LINGO2: variants seen among roughly 807,000 people sequenced by gnomAD.
LINGO2 encodes leucine rich repeat and Ig domain containing 2.
In LINGO2, 14 loss-of-function variants were observed where a neutral mutation model predicts 30.6. That is an observed-to-expected ratio of 0.46 (90% CI 0.30 to 0.72). The LOEUF (loss-of-function observed/expected upper bound fraction) is 0.72, where lower values mean the gene tolerates loss of function less well. LINGO2 is among the 30% of genes least tolerant of loss of function. The probability of loss-of-function intolerance (pLI) is 0.07; values close to 1 mark genes in which losing one functional copy is unlikely to be tolerated. For synonymous variants in LINGO2, 317 were observed against 288.5 expected (o/e 1.10, Z -1.00); for missense variants, 729 against 751.7 (o/e 0.97, Z 0.35).
At chr9:29,072,602 GTC>G in the LINGO2 span, among the ~76,000 whole-genome samples, 1 of 121,730 alleles carries the variant, frequency 8.2e-6, no homozygotes, top group East Asian at 2.3e-4. Flanking sequence ...ATATATATAT[GTC>G]TCTCTTTGAT....
intron 5 of LINGO2, among the ~76,000 whole-genome samples, chr9:28,009,141 GTTT>G (rs59012553): frequency 4.5e-4 from 67 of 150,266 alleles, no homozygotes; most frequent in African/African-American, 1.3e-3. Flanking sequence ...AAAGGGAAAA[GTTT>G]TTTTTTTTTC....
chr9:28,865,042 T>C, the LINGO2 span, among the ~76,000 whole-genome samples: 2 of 152,086 alleles, frequency 1.3e-5, no homozygotes, highest in African/African-American at 4.8e-5. Flanking sequence ...TCTAAGGGAA[T>C]ACCATATATA....
the LINGO2 span, among the ~76,000 whole-genome samples, chr9:29,099,852 C>G: frequency 7.1e-6 from 1 of 141,826 alleles, no homozygotes; most frequent in Non-Finnish European, 1.5e-5. Context: ...AATAGGGTTA[C>G]CATACAATCC....
intron 4 of LINGO2, among the ~76,000 whole-genome samples, chr9:28,273,064 T>C (rs1206193113): frequency 1.3e-5 from 2 of 152,202 alleles, no homozygotes; most frequent in African/African-American, 4.8e-5. Flanking sequence ...GCTCCATATA[T>C]ACTTAGGACA....
At chr9:28,990,884 C>A in the LINGO2 span, among the ~76,000 whole-genome samples, 1 of 152,062 alleles carries the variant, frequency 6.6e-6, no homozygotes, top group South Asian at 2.1e-4. Context: ...TCATCAAAGA[C>A]CAAAAGTAGA....
At chr9:28,297,915 G>A (rs376168385) in intron 3 of LINGO2, among the ~76,000 whole-genome samples, 6 of 152,276 alleles carry the variant, frequency 3.9e-5, no homozygotes, top group South Asian at 2.1e-4. Context: ...TTGTGTGTGC[G>A]GGGGTAGGGG....
At chr9:28,380,099 C>A (rs547841254) in intron 2 of LINGO2, among the ~76,000 whole-genome samples, 1 of 152,102 alleles carries the variant, frequency 6.6e-6, no homozygotes, top group African/African-American at 2.4e-5. Flanking sequence ...CACACAGATG[C>A]CACACATATT....
chr9:29,086,141 A>C, the LINGO2 span, among the ~76,000 whole-genome samples: 1 of 152,304 alleles, frequency 6.6e-6, no homozygotes, highest in South Asian at 2.1e-4. Flanking sequence ...GTAGACAAAA[A>C]GCAGATAATT....
At chr9:29,208,757 A>C in the LINGO2 span, among the ~76,000 whole-genome samples, 1 of 152,170 alleles carries the variant, frequency 6.6e-6, no homozygotes, top group African/African-American at 2.4e-5. Flanking sequence ...ACTGAGCCTT[A>C]GAAAAAATAA....
the LINGO2 span, among the ~76,000 whole-genome samples, chr9:28,864,360 T>C: frequency 2.0e-5 from 3 of 152,262 alleles, no homozygotes; most frequent in Non-Finnish European, 2.9e-5. Flanking sequence ...CTAAATTCTA[T>C]ATTATACATA....
At chr9:29,118,551 C>A in the LINGO2 span, among the ~76,000 whole-genome samples, 1 of 152,110 alleles carries the variant, frequency 6.6e-6, no homozygotes, top group Non-Finnish European at 1.5e-5. Flanking sequence ...TTGTAGAACC[C>A]TGGTGAAGCC....
the LINGO2 span, among the ~76,000 whole-genome samples, chr9:29,033,647 A>G: frequency 1.3e-5 from 2 of 151,984 alleles, no homozygotes; most frequent in African/African-American, 4.8e-5. Flanking sequence ...ATATAAAATA[A>G]AAATAATTAT....
chr9:27,983,117 C>T (rs1820961102), intron 5 of LINGO2, among the ~76,000 whole-genome samples: 1 of 151,804 alleles, frequency 6.6e-6, no homozygotes, highest in Non-Finnish European at 1.5e-5. Flanking sequence ...TAATTGTATA[C>T]ATACATTTTA....
intron 1 of LINGO2, among the ~76,000 whole-genome samples, chr9:28,524,216 C>A (rs1820930171): frequency 2.0e-5 from 3 of 151,948 alleles, no homozygotes; most frequent in Non-Finnish European, 4.4e-5. Context: ...TTGGATAATA[C>A]ACATGAAGAA....
chr9:28,844,769 A>C, the LINGO2 span, among the ~76,000 whole-genome samples: 1 of 151,962 alleles, frequency 6.6e-6, no homozygotes, highest in African/African-American at 2.4e-5. Context: ...TTTAATATTC[A>C]TAGCTTTTAT....
At chr9:28,556,340 T>G (rs1479417683) in intron 1 of LINGO2, among the ~76,000 whole-genome samples, 1 of 150,860 alleles carries the variant, frequency 6.6e-6, no homozygotes, top group Non-Finnish European at 1.5e-5. Flanking sequence ...CAAGCATTCT[T>G]ATACACCAAC....
intron 1 of LINGO2, among the ~76,000 whole-genome samples, chr9:28,639,598 C>T (rs1365429823): frequency 6.6e-6 from 1 of 152,046 alleles, no homozygotes; most frequent in Non-Finnish European, 1.5e-5. Context: ...CTCTTTTGAT[C>T]TTTGTTGGTT....
intron 2 of LINGO2, among the ~76,000 whole-genome samples, chr9:28,425,791 A>G (rs933109673): frequency 1.3e-5 from 2 of 152,096 alleles, no homozygotes; most frequent in Non-Finnish European, 2.9e-5. Context: ...TGTTAATCAA[A>G]TATGTTATCA....
chr9:28,388,158 T>A (rs2134671856), intron 2 of LINGO2, among the ~76,000 whole-genome samples: 1 of 152,346 alleles, frequency 6.6e-6, no homozygotes, highest in East Asian at 1.9e-4. Flanking sequence ...ACTTTGCATG[T>A]TTTTAAAGTT....
Sources: allele counts gnomAD v4.1 joint callset (sites outside exome capture counted in the v4.1 genomes callset), GRCh38; gene constraint gnomAD v4.1.1; transcripts MANE v1.5; gene names NCBI Gene and HGNC (gene_info 2026-07-23, HGNC 2026-07-21).